Variants in CERKL observed in about 807,000 individuals in gnomAD.
The protein encoded by CERKL is CERK like autophagy regulator.
Under a neutral mutation model 63.4 loss-of-function variants are expected in CERKL, and 61 were observed. The observed-to-expected ratio is 0.96, with a 90% confidence interval of 0.78 to 1.19. The LOEUF (loss-of-function observed/expected upper bound fraction) is 1.19, where lower values mean the gene tolerates loss of function less well. Ranked by LOEUF, CERKL falls within the 50% of genes most tolerant of loss-of-function variation. The probability of loss-of-function intolerance (pLI) is 0.00; values close to 1 mark genes in which losing one functional copy is unlikely to be tolerated. For missense variants in CERKL, 675 were observed against 655.5 expected (o/e 1.03, Z -0.33); for synonymous variants, 250 against 230.5 (o/e 1.08, Z -0.77).
intron 2 of CERKL, among the ~76,000 whole-genome samples, chr2:181,593,585 C>T (rs977061216): frequency 1.3e-5 from 2 of 151,536 alleles, no homozygotes; most frequent in African/African-American, 4.8e-5. Context: ...ATTAGACTGC[C>T]TAGAGCTTAC....
At chr2:181,593,533 GAA>G (rs546811571) in intron 2 of CERKL, among the ~76,000 whole-genome samples, 1 of 135,216 alleles carries the variant, frequency 7.4e-6, no homozygotes. Context: ...TTTCCTTTTG[GAA>G]AAAAAAAAAA....
intron 1 of CERKL, among the ~76,000 whole-genome samples, chr2:181,626,157 T>C (rs1020262029): frequency 5.3e-5 from 8 of 152,290 alleles, no homozygotes; most frequent in Admixed American, 1.3e-4. Context: ...TTAAAGAGTA[T>C]AGTAATACAC....
chr2:181,595,136 TTG>T (rs1254675291), intron 2 of CERKL, among the ~76,000 whole-genome samples: 4 of 152,326 alleles, frequency 2.6e-5, no homozygotes, highest in African/African-American at 9.6e-5. Context: ...TTTACAGAAT[TTG>T]TGTTTTGCTT....
intron 1 of CERKL, among the ~76,000 whole-genome samples, chr2:181,609,701 C>T (rs1559104092): frequency 6.6e-6 from 1 of 151,382 alleles, no homozygotes. Flanking sequence ...AACTCTGTCT[C>T]TAAATAAATA....
chr2:181,605,591 G>C (rs1481050456), intron 1 of CERKL, among the ~76,000 whole-genome samples: 1 of 152,028 alleles, frequency 6.6e-6, no homozygotes, highest in Non-Finnish European at 1.5e-5. Context: ...CTCTCAAAAG[G>C]ATGTCACTTT....
chr2:181,609,290 C>T (rs1397663834), intron 1 of CERKL, among the ~76,000 whole-genome samples: 1 of 132,376 alleles, frequency 7.6e-6, no homozygotes, highest in African/African-American at 2.8e-5. Context: ...TATAATAGAA[C>T]TTCAATCAAA....
At chr2:181,590,543 C>T (rs1684949842) in intron 2 of CERKL, among the ~76,000 whole-genome samples, 1 of 151,658 alleles carries the variant, frequency 6.6e-6, no homozygotes, top group African/African-American at 2.4e-5. Flanking sequence ...AATAAAATGG[C>T]TAATATTCCT....
intron 1 of CERKL, among the ~76,000 whole-genome samples, chr2:181,652,211 A>G (rs1357936871): frequency 2.6e-5 from 4 of 152,226 alleles, no homozygotes; most frequent in African/African-American, 9.6e-5. Context: ...CTGAGCAAAA[A>G]GAACAAAACT....
intron 3 of CERKL, among the ~76,000 whole-genome samples, chr2:181,569,805 T>C (rs1027536481): frequency 6.6e-6 from 1 of 152,116 alleles, no homozygotes; most frequent in African/African-American, 2.4e-5. Flanking sequence ...TCCTATACAA[T>C]AGATGGGGCA....
chr2:181,630,446 C>CT (rs1686907845), intron 1 of CERKL, among the ~76,000 whole-genome samples: 1 of 152,130 alleles, frequency 6.6e-6, no homozygotes, highest in African/African-American at 2.4e-5. Context: ...TGTTTAAGCC[C>CT]TAACCCCCAG....
intron 1 of CERKL, among the ~76,000 whole-genome samples, chr2:181,615,185 G>C (rs964920534): frequency 6.6e-6 from 1 of 151,906 alleles, no homozygotes; most frequent in Non-Finnish European, 1.5e-5. Context: ...TATTTTTTTG[G>C]GGGGAAAAGT....
chr2:181,547,173 C>T (rs1252456187), intron 10 of CERKL, among the ~76,000 whole-genome samples: 4 of 152,206 alleles, frequency 2.6e-5, no homozygotes, highest in Non-Finnish European at 4.4e-5. Context: ...TGTAAATTAC[C>T]CAGTCTCGGG....
chr2:181,537,637 C>T lies in CERKL; in HGVS notation c.*547G>A. On this transcript the variant is annotated 3_prime_UTR_variant, in exon 13 of 13. Coordinates refer to ENST00000410087, the MANE Select transcript of CERKL (RefSeq NM_201548.5). Reference sequence around the variant, plus strand: ...TTAACATAATTGATGAGCTCAAATCCTGAAAAATGAAAGAATCCAAATTAT... The same window carrying T: ...TTAACATAATTGATGAGCTCAAATCTTGAAAAATGAAAGAATCCAAATTAT... The T allele has an allele frequency of 2.3e-6, 1 of 434,750 alleles. No individual in the cohort carries two copies. Among genetic ancestry groups the T allele is most frequent in the Non-Finnish European group, 4.5e-6 (1 of 220,540 alleles). 26.9% of individuals were successfully genotyped at this position (434,750 alleles called of 1,614,324 possible).
chr2:181,636,492 T>C (rs979158298), intron 1 of CERKL, among the ~76,000 whole-genome samples: 2 of 151,892 alleles, frequency 1.3e-5, no homozygotes, highest in Admixed American at 1.3e-4. Context: ...AAATACTTGA[T>C]CTCACCTAAT....
intron 1 of CERKL, among the ~76,000 whole-genome samples, chr2:181,633,465 G>T (rs938706924): frequency 1.1e-4 from 16 of 152,170 alleles, no homozygotes; most frequent in African/African-American, 3.6e-4. Context: ...TTGGGTTTAG[G>T]TTTGGTATCA....
In CERKL at chr2:181,604,006, T is replaced by C. The variant is rs773332052; in HGVS notation, c.312A>G (p.Lys104=). ...ELKDIFSVKL[K]RRCSVKQQRS... ...TCTGCTGTTTAACAGAACAACGCCG[T>C]TTCAGTTTCACAGAGAATATGTCTT... Residue 104 remains lysine (K), a synonymous_variant, in exon 2 of 13, where the codon AAA becomes AAG. Coordinates refer to ENST00000410087, the MANE Select transcript of CERKL (RefSeq NM_201548.5). 6.2e-7 allele frequency: 1 copy of C among 1,612,674 alleles called. No individual in the cohort carries two copies. The highest frequency in any genetic ancestry group is 8.5e-7 in the Non-Finnish European group (1 of 1,179,182).
intron 2 of CERKL, among the ~76,000 whole-genome samples, chr2:181,575,099 G>A (rs1689072132): frequency 6.6e-6 from 1 of 152,126 alleles, no homozygotes; most frequent in Non-Finnish European, 1.5e-5. Flanking sequence ...TAAGATGGTA[G>A]CCACTTGCTT....
intron 5 of CERKL, among the ~76,000 whole-genome samples, chr2:181,556,695 A>G (rs796456149): frequency 4.6e-4 from 70 of 152,344 alleles, no homozygotes; most frequent in African/African-American, 1.6e-3. Flanking sequence ...GTAGTGCCAC[A>G]ATAAACATAT....
rs79521459 is a variant in CERKL at position 181,557,827 on chromosome 2, G to T, written c.820+739C>A. 3.8e-3 allele frequency among the ~76,000 whole-genome samples: 574 copies of T among 152,146 alleles called. 2 individuals are homozygous for T. Among genetic ancestry groups the T allele is most frequent in the Non-Finnish European group, 6.6e-3 (451 of 67,998 alleles). ...TTTTCACTATTCCTCAAACACTCCT[G>T]GGTTTTGCCTTTGCTTTATTACTTT... On this transcript the variant is annotated intron_variant, in intron 5 of 12. Coordinates refer to ENST00000410087, the MANE Select transcript of CERKL (RefSeq NM_201548.5).
Sources: allele counts gnomAD v4.1 joint callset (sites outside exome capture counted in the v4.1 genomes callset), GRCh38; gene constraint gnomAD v4.1.1; transcripts MANE v1.5; gene names NCBI Gene and HGNC (gene_info 2026-07-23, HGNC 2026-07-21).